PPCDC: variants seen among roughly 807,000 people sequenced by gnomAD.
PPCDC encodes the protein phosphopantothenoylcysteine decarboxylase.
PPCDC carries 20 observed loss-of-function variants against 20.7 expected under a neutral mutation model. That is an observed-to-expected ratio of 0.97 (90% CI 0.68 to 1.41). The LOEUF (loss-of-function observed/expected upper bound fraction) is 1.41. Among genes scored for constraint, PPCDC ranks in the 40% most tolerant of loss-of-function variants. PPCDC has a pLI of 0.00. For synonymous variants in PPCDC, 88 were observed against 100.3 expected, an observed-to-expected ratio of 0.88 and a Z score of 0.73; for missense variants, 246 against 263.8, an observed-to-expected ratio of 0.93 and a Z score of 0.47.
In PPCDC at chr15:75,043,375, C is replaced by T; in HGVS notation, c.136-66C>T. The T allele has an allele frequency of 2.8e-6, 4 of 1,437,462 alleles. No homozygotes were observed. In the South Asian group the frequency reaches 5.0e-5, roughly 18 times the overall value. 89.0% of individuals were successfully genotyped at this position (1,437,462 alleles called of 1,614,324 possible). A position where few individuals can be genotyped will look rare whatever the true frequency, so the allele number is the denominator to read the frequency against. ...GCCTGCCCTGACCCTCCTGTGGCCT[C>T]CAGGCCTGTGGCTCTGGTAACAGTT... On this transcript the variant is annotated intron_variant, in intron 2 of 5. Coordinates refer to ENST00000342932, the MANE Select transcript of PPCDC (RefSeq NM_021823.5).
chr15:75,047,860 C>T (rs960373210), intron 4 of PPCDC, among the ~76,000 whole-genome samples: 3 of 152,190 alleles, frequency 2.0e-5, no homozygotes, highest in African/African-American at 7.2e-5. Context: ...AAGTCCGTGG[C>T]ACAAAGGACT....
intron 4 of PPCDC, 106 bp downstream of exon 4, chr15:75,044,620 T>G: frequency 7.0e-7 from 1 of 1,435,590 alleles, no homozygotes; most frequent in South Asian, 1.4e-5. Flanking sequence ...GGCCCCGGTC[T>G]GCCCAGGGAG....
chr15:75,036,667 G>A (rs904558326), intron 2 of PPCDC, among the ~76,000 whole-genome samples: 4 of 152,156 alleles, frequency 2.6e-5, no homozygotes, highest in Non-Finnish European at 5.9e-5. Flanking sequence ...ACAGGACCCC[G>A]GGTGGAGCTC....
intron 2 of PPCDC, among the ~76,000 whole-genome samples, chr15:75,041,795 C>G (rs1356814977): frequency 6.6e-6 from 1 of 152,224 alleles, no homozygotes; most frequent in Admixed American, 6.5e-5. Context: ...TCTGAGACTT[C>G]TACTCCTTGG....
intron 1 of PPCDC, among the ~76,000 whole-genome samples, chr15:75,026,415 T>G (rs2141472273): frequency 6.6e-6 from 1 of 152,324 alleles, no homozygotes; most frequent in African/African-American, 2.4e-5. Flanking sequence ...ATTGCCCTGG[T>G]TGGGGCCCTG....
chr15:75,030,784 C>T (rs530612934), intron 2 of PPCDC, among the ~76,000 whole-genome samples: 1 of 152,238 alleles, frequency 6.6e-6, no homozygotes, highest in African/African-American at 2.4e-5. Context: ...ACATGAACAG[C>T]TGGGGTGTGG....
At chr15:75,048,783 T>TCTC in intron 5 of PPCDC, 62 bp downstream of exon 5, 1 of 1,558,254 alleles carries the variant, frequency 6.4e-7, no homozygotes, top group Admixed American at 1.8e-5. Context: ...TGGGGTCATA[T>TCTC]CTCAGTTCAG....
intron 2 of PPCDC, among the ~76,000 whole-genome samples, chr15:75,032,728 C>CCTCG (rs1567050310): frequency 8.0e-6 from 1 of 125,112 alleles, no homozygotes; most frequent in African/African-American, 3.1e-5. Flanking sequence ...AACTGGACCC[C>CCTCG]CCCCCCCAAG....
rs568574267 is a variant in PPCDC, at chr15:75,044,600, G to A, written c.360+86G>A. On this transcript the variant is annotated intron_variant, in intron 4 of 5. Transcript: ENST00000342932. The stretch of plus-strand genomic sequence containing the variant: ...CAGACATCCTTGTACAAGGAGACCT[G>A]CTGCTGTGGGGCCCCGGTCTGCCCA... The A allele has an allele frequency of 1.4e-5, 21 of 1,525,282 alleles. No individual in the cohort carries two copies. In the African/African-American group the frequency reaches 2.0e-4, roughly 15 times the overall value. 94.5% of individuals were successfully genotyped at this position (1,525,282 alleles called of 1,614,324 possible).
At chr15:75,034,752 T>A (rs2141482901) in intron 2 of PPCDC, among the ~76,000 whole-genome samples, 1 of 152,226 alleles carries the variant, frequency 6.6e-6, no homozygotes, top group African/African-American at 2.4e-5. Context: ...AGCCCTGGGT[T>A]CCTTGTCTTG....
chr15:75,046,382 G>C (rs1026116059), intron 4 of PPCDC, among the ~76,000 whole-genome samples: 4 of 152,248 alleles, frequency 2.6e-5, no homozygotes, highest in African/African-American at 9.6e-5. Flanking sequence ...GTCAGCAGCA[G>C]CTGGTGTGAC....
intron 2 of PPCDC, among the ~76,000 whole-genome samples, chr15:75,030,314 C>T (rs1157467369): frequency 6.6e-6 from 1 of 152,234 alleles, no homozygotes; most frequent in African/African-American, 2.4e-5. Flanking sequence ...AGCACAGAGC[C>T]TGGCATGTTG....
chr15:75,041,018 T>C (rs2066146631), intron 2 of PPCDC, among the ~76,000 whole-genome samples: 1 of 152,202 alleles, frequency 6.6e-6, no homozygotes, highest in Non-Finnish European at 1.5e-5. Context: ...TCTCCTTTCG[T>C]ATCCTTTATG....
At chr15:75,030,157 C>T (rs1198242713) in intron 2 of PPCDC, among the ~76,000 whole-genome samples, 1 of 152,216 alleles carries the variant, frequency 6.6e-6, no homozygotes, top group East Asian at 1.9e-4. Context: ...GGGAGGGCTC[C>T]CCGACTCAGC....
chr15:75,045,808 C>T (rs1338933582), intron 4 of PPCDC, among the ~76,000 whole-genome samples: 2 of 151,728 alleles, frequency 1.3e-5, no homozygotes, highest in African/African-American at 2.4e-5. Context: ...CGCTTAAGCC[C>T]AGGAGTTCTA....
In PPCDC at chr15:75,044,452, G is replaced by C. The variant is rs2066200944; in HGVS notation, c.298G>C (p.Val100Leu). The C allele has an allele frequency of 1.2e-6, 2 of 1,614,100 alleles. No individual in the cohort carries two copies. Among genetic ancestry groups the C allele is most frequent in the Admixed American group, 1.7e-5 (1 of 60,006 alleles). Reference sequence around the variant, plus strand: ...GCGGAGGTGGGCAGACCTCCTGCTGGTGGCTCCTCTTGATGCCAACACTCT... The same window carrying C: ...GCGGAGGTGGGCAGACCTCCTGCTGCTGGCTCCTCTTGATGCCAACACTCT... The part of the protein sequence containing the change: ...DLRRWADLLL[V>L]APLDANTLGK... The change falls in exon 4 of 6, where the codon GTG (valine) becomes CTG (leucine). Residue 100 changes from valine (V) to leucine (L), a missense_variant. Physicochemically the swap from Val to Leu is conservative, Grantham distance 32. Transcript: ENST00000342932.
At position 75,028,268 on chromosome 15, in the gene PPCDC, A is replaced by G. The variant is rs755106744; in HGVS notation, c.-51A>G. On this transcript the variant is annotated 5_prime_UTR_variant, in exon 2 of 6. Coordinates refer to ENST00000342932, the MANE Select transcript of PPCDC (RefSeq NM_021823.5). ...TTAGATCCTAAATCCCGACAGCTTT[A>G]TAGAGCCCAGGCCTGGCAGGCTCCC... is the stretch of plus-strand genomic sequence containing the variant. 3 of 1,596,694 alleles carry G rather than the reference A, an allele frequency of 1.9e-6. No individual in the cohort carries two copies. Among genetic ancestry groups the G allele is most frequent in the South Asian group, 2.2e-5 (2 of 89,778 alleles).
intron 3 of PPCDC, 147 bp downstream of exon 3, chr15:75,043,683 G>A: frequency 1.5e-6 from 1 of 686,714 alleles, no homozygotes; most frequent in Non-Finnish European, 2.4e-6. Flanking sequence ...AGGCAATGAA[G>A]AAAACATCTG....
At chr15:75,039,337 C>T (rs889567619) in intron 2 of PPCDC, among the ~76,000 whole-genome samples, 2 of 152,128 alleles carry the variant, frequency 1.3e-5, no homozygotes, top group African/African-American at 4.8e-5. Context: ...GTTGACCTTG[C>T]GTTCTTAGGG....
Sources: gnomAD v4.1 joint callset for allele counts (sites outside exome capture counted in the v4.1 genomes callset) on GRCh38, gnomAD v4.1.1 for gene constraint, MANE v1.5 for transcripts, NCBI Gene and HGNC (gene_info 2026-07-23, HGNC 2026-07-21) for gene names.